LMF1: variants seen among roughly 807,000 people sequenced by gnomAD.
The protein encoded by LMF1 is lipase maturation factor 1.
A neutral mutation model predicts 60.6 loss-of-function variants in LMF1; 68 were observed. The ratio of observed to expected loss-of-function variants is 1.12; its 90% CI spans 0.92 to 1.37. LMF1 has a LOEUF of 1.37. Among genes scored for constraint, LMF1 ranks in the 40% most tolerant of loss-of-function variants. The pLI is 0.00. For missense variants in LMF1, 948 were observed against 767.2 expected, an observed-to-expected ratio of 1.24 and a Z score of -2.78; for synonymous variants, 418 against 324.7, an observed-to-expected ratio of 1.29 and a Z score of -3.09.
At chr16:855,959 T>G (rs1406461571) in intron 10 of LMF1, 3 of 455,770 alleles carry the variant, frequency 6.6e-6, no homozygotes, top group Non-Finnish European at 1.3e-5. Flanking sequence ...GGTCTGGGTG[T>G]GTGATGGATG....
chr16:924,817 T>C (rs1040206129), intron 3 of LMF1, among the ~76,000 whole-genome samples: 3 of 152,200 alleles, frequency 2.0e-5, no homozygotes, highest in African/African-American at 7.2e-5. Context: ...AAAATTCTGA[T>C]AGATAAAACC....
intron 3 of LMF1, among the ~76,000 whole-genome samples, chr16:929,550 G>C (rs1163535873): frequency 2.0e-5 from 3 of 152,260 alleles, no homozygotes; most frequent in African/African-American, 7.2e-5. Flanking sequence ...CAATGCGCAA[G>C]GGCGGCTGGA....
chr16:875,780 G>A (rs1411521289), intron 6 of LMF1, among the ~76,000 whole-genome samples: 1 of 152,164 alleles, frequency 6.6e-6, no homozygotes, highest in Non-Finnish European at 1.5e-5. Context: ...GGGCATCTCT[G>A]TGTTCTCCAC....
At chr16:917,595 T>C (rs889137880) in intron 3 of LMF1, among the ~76,000 whole-genome samples, 9 of 152,202 alleles carry the variant, frequency 5.9e-5, no homozygotes, top group Non-Finnish European at 1.3e-4. Context: ...TTCTAGGGGC[T>C]TGTCCAGGCC....
In LMF1 at chr16:939,869, C is replaced by CTA. The variant is rs2072048759; in HGVS notation, c.504-5617_504-5616dup. 4.6e-5 allele frequency among the ~76,000 whole-genome samples: 7 copies of CTA among 152,170 alleles called. No homozygotes were observed. The South Asian group carries it at 1.5e-3, about 32-fold the overall frequency. Reference sequence around the variant, plus strand: ...TTAGAGAGAAGCCCTGGGCAGTGGGCTAAAAGGAGGCCCCCAGAAAGACCT... The same window carrying CTA: ...TTAGAGAGAAGCCCTGGGCAGTGGGCTATAAAAGGAGGCCCCCAGAAAGACCT... On this transcript the variant is annotated intron_variant, in intron 2 of 10. Transcript: ENST00000262301.
At chr16:927,023 G>A (rs1452758612) in intron 3 of LMF1, among the ~76,000 whole-genome samples, 1 of 152,164 alleles carries the variant, frequency 6.6e-6, no homozygotes, top group Non-Finnish European at 1.5e-5. Context: ...GAGAGCACTG[G>A]AGGGTCCAGA....
intron 10 of LMF1, among the ~76,000 whole-genome samples, chr16:862,537 T>C (rs1244697795): frequency 6.6e-6 from 1 of 152,186 alleles, no homozygotes; most frequent in Non-Finnish European, 1.5e-5. Flanking sequence ...TTGTGTGGTT[T>C]TGGTATCAGA....
intron 10 of LMF1, chr16:856,033 G>A (rs1470001967): frequency 2.2e-6 from 1 of 449,668 alleles, no homozygotes; most frequent in Non-Finnish European, 4.5e-6. Context: ...GACCCTCTGG[G>A]TGGAGGAGGG....
At chr16:860,704 T>A (rs1196582213) in intron 10 of LMF1, among the ~76,000 whole-genome samples, 2 of 152,122 alleles carry the variant, frequency 1.3e-5, no homozygotes, top group Non-Finnish European at 2.9e-5. Flanking sequence ...TATTTTTGTG[T>A]GGGGTGAGAC....
chr16:884,953 A>G (rs2070264760), intron 5 of LMF1: 1 of 152,218 alleles, frequency 6.6e-6, no homozygotes, highest in African/African-American at 2.4e-5. Flanking sequence ...GTGGAGGGAG[A>G]ATGATCACAG....
intron 1 of LMF1, among the ~76,000 whole-genome samples, chr16:978,322 T>C (rs1567351116): frequency 6.8e-6 from 1 of 147,104 alleles, no homozygotes; most frequent in African/African-American, 2.5e-5. Context: ...CCCATACACA[T>C]ATCACACATT....
At chr16:906,562 C>G (rs888026486) in intron 4 of LMF1, among the ~76,000 whole-genome samples, 2 of 152,110 alleles carry the variant, frequency 1.3e-5, no homozygotes, top group Non-Finnish European at 2.9e-5. Context: ...CCTTGCTCCT[C>G]AGCTTGCGGG....
At chr16:898,198 T>C (rs554841864) in intron 4 of LMF1, among the ~76,000 whole-genome samples, 97 of 152,308 alleles carry the variant, frequency 6.4e-4, no homozygotes, top group African/African-American at 2.3e-3. Flanking sequence ...CTGGCTGGGC[T>C]CTAACTTGCA....
chr16:943,889 G>A (rs148267345), intron 2 of LMF1, among the ~76,000 whole-genome samples: 2 of 152,112 alleles, frequency 1.3e-5, no homozygotes, highest in East Asian at 3.9e-4. Context: ...CTATTTTCCT[G>A]TTTCTTTACT....
In LMF1 at chr16:949,578, A is replaced by C. The variant is rs1253715444; in HGVS notation, c.503+4779T>G. Among the ~76,000 whole-genome samples, 598 of 115,050 alleles carry C rather than the reference A, an allele frequency of 5.2e-3. 2 individuals are homozygous for C. The highest frequency in any genetic ancestry group is 7.0e-3 in the Non-Finnish European group (386 of 55,364). 75.5% of individuals were successfully genotyped at this position (115,050 alleles called of 152,430 possible). A position where few individuals can be genotyped will look rare whatever the true frequency, so the allele number is the denominator to read the frequency against. Reference sequence around the variant, plus strand: ...GTCAGAGACAATGACAGAGTCAGAGACAACGACAGAGTCAGAGACGACAGA... The same window carrying C: ...GTCAGAGACAATGACAGAGTCAGAGCCAACGACAGAGTCAGAGACGACAGA... On this transcript the variant is annotated intron_variant, in intron 2 of 10. Transcript: ENST00000262301.
chr16:976,959 G>A (rs938609983), intron 1 of LMF1: 3 of 453,752 alleles, frequency 6.6e-6, no homozygotes, highest in African/African-American at 4.0e-5. Context: ...TGAAGATGGG[G>A]AGGGCTGGGC....
At chr16:923,950 G>C (rs2071517987) in intron 3 of LMF1, among the ~76,000 whole-genome samples, 3 of 152,278 alleles carry the variant, frequency 2.0e-5, no homozygotes, top group African/African-American at 7.2e-5. Flanking sequence ...AAATGAGTGA[G>C]ATATGATCAG....
upstream of LMF1, among the ~76,000 whole-genome samples, chr16:974,659 G>C (rs1567346916): frequency 6.6e-6 from 1 of 152,226 alleles, no homozygotes; most frequent in Non-Finnish European, 1.5e-5. Flanking sequence ...ACAGCCCCCA[G>C]GACCCAGGCA....
At chr16:869,137 C>A (rs1328446997) in intron 9 of LMF1, 81 bp from the exon 10 acceptor site, 6 of 914,586 alleles carry the variant, frequency 6.6e-6, no homozygotes, top group Non-Finnish European at 1.1e-5. Flanking sequence ...GCTGTGCCCT[C>A]CACTCCCTCC....
Sources: gnomAD v4.1 joint callset for allele counts (sites outside exome capture counted in the v4.1 genomes callset) on GRCh38, gnomAD v4.1.1 for gene constraint, MANE v1.5 for transcripts, NCBI Gene and HGNC (gene_info 2026-07-23, HGNC 2026-07-21) for gene names.